Variants in CPT1A observed in about 807,000 individuals in gnomAD.
The protein encoded by CPT1A is carnitine O-palmitoyltransferase 1, liver isoform.
A neutral mutation model predicts 100.8 loss-of-function variants in CPT1A; 64 were observed. That is an observed-to-expected ratio of 0.63 (90% CI 0.52 to 0.78). CPT1A has a LOEUF of 0.78. CPT1A is among the 30% of genes least tolerant of loss of function. The pLI is 0.00. For synonymous variants in CPT1A, 363 were observed against 396.0 expected (o/e 0.92, Z 0.99); for missense variants, 802 against 1,034.1 (o/e 0.78, Z 3.08).
intron 9 of CPT1A, among the ~76,000 whole-genome samples, chr11:68,790,058 G>T (rs893265068): frequency 6.6e-6 from 1 of 151,802 alleles, no homozygotes; most frequent in African/African-American, 2.4e-5. Context: ...TTCTTAATCG[G>T]AAGTAGGGTC....
chr11:68,815,292 T>C, intron 2 of CPT1A, 42 bp downstream of exon 2: 5 of 1,606,316 alleles, frequency 3.1e-6, no homozygotes, highest in Non-Finnish European at 4.3e-6. Flanking sequence ...TTCTTAGATA[T>C]TAAAAGGCAT....
chr11:68,778,726 C>T (rs1855211351), intron 12 of CPT1A, among the ~76,000 whole-genome samples: 1 of 151,810 alleles, frequency 6.6e-6, no homozygotes, highest in South Asian at 2.1e-4. Flanking sequence ...AAAACATTCA[C>T]AGAAGTTTAA....
In CPT1A at chr11:68,757,357, A is replaced by C. The variant is rs1166234005; in HGVS notation, c.*287T>G. On this transcript the variant is annotated 3_prime_UTR_variant, in exon 19 of 19. Transcript: ENST00000265641. ...CCACAACCCTACTAATTCCTTCATT[A>C]ACTCAACAAGATTTGCATCCCTTAA... is the stretch of plus-strand genomic sequence containing the variant. The C allele has an allele frequency of 7.7e-7, 1 of 1,300,674 alleles. No homozygotes were observed. Among genetic ancestry groups the C allele is most frequent in the African/African-American group, 1.5e-5 (1 of 66,812 alleles). 80.6% of individuals were successfully genotyped at this position (1,300,674 alleles called of 1,614,324 possible).
chr11:68,780,385 C>T (rs1430644138), intron 12 of CPT1A, among the ~76,000 whole-genome samples: 2 of 152,168 alleles, frequency 1.3e-5, no homozygotes, highest in Non-Finnish European at 2.9e-5. Context: ...CGGGTTCAAT[C>T]GATTTCTTCT....
Position 68,756,198 on chromosome 11 carries a change from T to C in CPT1A, c.*1446A>G, listed in dbSNP as rs1292145457. On this transcript the variant is annotated 3_prime_UTR_variant, in exon 19 of 19. Coordinates refer to ENST00000265641, the MANE Select transcript of CPT1A (RefSeq NM_001876.4). The stretch of plus-strand genomic sequence containing the variant: ...CAGTTCAGCCATCGCTGTTGTACTA[T>C]CGGGGTGCAGCACTCTGAAGGAGTC... 6.7e-6 allele frequency: 1 copy of C among 150,296 alleles called. No homozygotes were observed. The highest frequency in any genetic ancestry group is 1.5e-5 in the Non-Finnish European group (1 of 67,666). The allele number at this position is 150,296 out of a possible 1,614,324, so 9.3% of individuals were successfully genotyped here. A position where few individuals can be genotyped will look rare whatever the true frequency, so the allele number is the denominator to read the frequency against.
In CPT1A at chr11:68,799,205, T is replaced by G; in HGVS notation, c.693+13A>C. On this transcript the variant is annotated intron_variant, in intron 6 of 18. Transcript: ENST00000265641. Reference sequence around the variant, plus strand: ...AAAAATTTCATCAAGAAAAACTGTGTATACAGACTTACGTAATTTGTAGCC... The same window carrying G: ...AAAAATTTCATCAAGAAAAACTGTGGATACAGACTTACGTAATTTGTAGCC... The G allele has an allele frequency of 1.2e-6, 2 of 1,611,516 alleles. No homozygotes were observed. Among genetic ancestry groups the G allele is most frequent in the Non-Finnish European group, 1.7e-6 (2 of 1,177,820 alleles).
In CPT1A at chr11:68,820,597, T is replaced by C. The variant is rs1856556155; in HGVS notation, c.-13-5110A>G. 2.0e-5 allele frequency among the ~76,000 whole-genome samples: 3 copies of C among 152,136 alleles called. No homozygotes were observed. The South Asian group carries it at 6.2e-4, about 32-fold the overall frequency. ...ACTTGGGAAGCTGAGGCAGGAGAAT[T>C]GCCTGAACTGGGAGGCAGAGGTTTC... On this transcript the variant is annotated intron_variant, in intron 1 of 18. Transcript: ENST00000265641.
intron 1 of CPT1A, among the ~76,000 whole-genome samples, chr11:68,832,530 G>C (rs1856904751): frequency 1.3e-5 from 2 of 152,108 alleles, no homozygotes; most frequent in Non-Finnish European, 2.9e-5. Context: ...CCAAAGTAAA[G>C]TGGTAGGTAC....
chr11:68,769,510 CA>C (rs1351145150), intron 14 of CPT1A, among the ~76,000 whole-genome samples: 1 of 151,854 alleles, frequency 6.6e-6, no homozygotes, highest in Non-Finnish European at 1.5e-5. Flanking sequence ...CTCAGCCACC[CA>C]AAGTGCTAGG....
At chr11:68,817,100 GGT>G (rs568161603) in intron 1 of CPT1A, among the ~76,000 whole-genome samples, 37 of 130,074 alleles carry the variant, frequency 2.8e-4, no homozygotes, top group African/African-American at 7.8e-4. Context: ...GTGTGTGTGT[GGT>G]GTGTGTGTGT....
chr11:68,813,914 G>C (rs1298341703), intron 2 of CPT1A, among the ~76,000 whole-genome samples: 1 of 152,152 alleles, frequency 6.6e-6, no homozygotes, highest in Non-Finnish European at 1.5e-5. Context: ...CTGAGCCCCA[G>C]GGACACCCGT....
At chr11:68,803,876 C>G in intron 5 of CPT1A, 124 bp downstream of exon 5, 2 of 758,774 alleles carry the variant, frequency 2.6e-6, no homozygotes, top group South Asian at 2.9e-5. Context: ...TATGAGAACC[C>G]TACCAGGCAC....
chr11:68,811,108 G>A (rs992771576), intron 3 of CPT1A, among the ~76,000 whole-genome samples: 5 of 152,104 alleles, frequency 3.3e-5, no homozygotes, highest in Non-Finnish European at 7.4e-5. Context: ...AACCTGGAAG[G>A]CGTGACTATA....
chr11:68,821,724 C>A (rs1219694410), intron 1 of CPT1A, among the ~76,000 whole-genome samples: 2 of 151,738 alleles, frequency 1.3e-5, no homozygotes, highest in African/African-American at 4.8e-5. Flanking sequence ...TCTTTTTCCC[C>A]AAATGTTTTC....
At chr11:68,774,512 T>C (rs987538671) in intron 13 of CPT1A, among the ~76,000 whole-genome samples, 1 of 151,676 alleles carries the variant, frequency 6.6e-6, no homozygotes, top group Non-Finnish European at 1.5e-5. Context: ...GCACCATCGC[T>C]GCTCACTGCA....
intron 17 of CPT1A, 83 bp downstream of exon 17, chr11:68,760,142 A>T: frequency 1.0e-6 from 1 of 957,284 alleles, no homozygotes. Context: ...GGGGGCACCC[A>T]GCACGGAGAT....
intron 9 of CPT1A, among the ~76,000 whole-genome samples, chr11:68,792,758 A>G (rs1257654188): frequency 6.6e-6 from 1 of 152,184 alleles, no homozygotes; most frequent in East Asian, 1.9e-4. Flanking sequence ...CAGACTCAGG[A>G]AAAAAACACT....
At chr11:68,807,662 G>T in intron 3 of CPT1A, 24 bp from the exon 4 acceptor site, 1 of 1,613,248 alleles carries the variant, frequency 6.2e-7, no homozygotes. Context: ...CCCAGACAAG[G>T]GAGGCTGTGC....
chr11:68,773,144 G>A, intron 14 of CPT1A, 121 bp downstream of exon 14: 1 of 1,531,130 alleles, frequency 6.5e-7, no homozygotes, highest in Non-Finnish European at 8.8e-7. Flanking sequence ...CGGGGTCGGG[G>A]GGAGCTGTGC....
Sources: allele counts gnomAD v4.1 joint callset (sites outside exome capture counted in the v4.1 genomes callset), GRCh38; gene constraint gnomAD v4.1.1; transcripts MANE v1.5; gene names NCBI Gene and HGNC (gene_info 2026-07-23, HGNC 2026-07-21).